PLEKHM1: variants seen among roughly 807,000 people sequenced by gnomAD.
PLEKHM1 encodes pleckstrin homology and RUN domain containing M1, also known as pleckstrin homology domain-containing family M member 1.
A neutral mutation model predicts 94.3 loss-of-function variants in PLEKHM1; 28 were observed. That is an observed-to-expected ratio of 0.30 (90% CI 0.22 to 0.41). PLEKHM1 has a LOEUF of 0.41. Among genes scored for constraint, PLEKHM1 ranks in the 10% least tolerant of loss-of-function variants. PLEKHM1 has a pLI of 1.00. For synonymous variants in PLEKHM1, 424 were observed against 581.2 expected (o/e 0.73, Z 3.89); for missense variants, 907 against 1,358.6 (o/e 0.67, Z 5.22).
At chr17:45,476,454 C>T (rs1405843683) in intron 3 of PLEKHM1, among the ~76,000 whole-genome samples, 2 of 151,976 alleles carry the variant, frequency 1.3e-5, no homozygotes, top group Non-Finnish European at 2.9e-5. Flanking sequence ...GCTCCAATTA[C>T]AGCATGTGGC....
At chr17:45,461,345 A>G (rs1291338587) in intron 5 of PLEKHM1, among the ~76,000 whole-genome samples, 3 of 152,110 alleles carry the variant, frequency 2.0e-5, no homozygotes, top group Non-Finnish European at 2.9e-5. Flanking sequence ...GTGTCTTTTC[A>G]TTTTCCGGAT....
At chr17:45,480,933 A>G (rs2051932906) in intron 2 of PLEKHM1, among the ~76,000 whole-genome samples, 1 of 152,220 alleles carries the variant, frequency 6.6e-6, no homozygotes, top group South Asian at 2.1e-4. Context: ...TCTTGGGTAT[A>G]TATCTAGGAG....
At chr17:45,468,657 G>A (rs1356804901) in intron 4 of PLEKHM1, 64 bp from the exon 5 acceptor site, 1 of 1,540,152 alleles carries the variant, frequency 6.5e-7, no homozygotes, top group East Asian at 2.2e-5. Flanking sequence ...AAGGCAACTG[G>A]GGCAGAGGGA....
intron 5 of PLEKHM1, among the ~76,000 whole-genome samples, chr17:45,464,384 C>T (rs1470139390): frequency 1.3e-5 from 2 of 152,180 alleles, no homozygotes; most frequent in South Asian, 2.1e-4. Context: ...GAATGGGTCT[C>T]TACACTATAA....
intron 4 of PLEKHM1, among the ~76,000 whole-genome samples, chr17:45,473,632 C>T (rs111701889): frequency 2.0e-5 from 3 of 151,720 alleles, no homozygotes; most frequent in Admixed American, 2.0e-4. Context: ...GATCTCGGCT[C>T]ACTGCAAGCT....
At chr17:45,452,699 T>C (rs2050807180) in intron 7 of PLEKHM1, 1 of 159,480 alleles carries the variant, frequency 6.3e-6, no homozygotes, top group African/African-American at 2.4e-5. Context: ...TGGAATAACA[T>C]CCACAGTGTA....
intron 5 of PLEKHM1, among the ~76,000 whole-genome samples, chr17:45,464,298 C>A (rs1203478376): frequency 2.6e-5 from 4 of 152,150 alleles, no homozygotes; most frequent in African/African-American, 9.7e-5. Context: ...ACCCCTAGGA[C>A]CTAACATGGT....
At chr17:45,469,170 A>C (rs969840211) in intron 4 of PLEKHM1, among the ~76,000 whole-genome samples, 24 of 152,270 alleles carry the variant, frequency 1.6e-4, no homozygotes, top group South Asian at 4.1e-4. Flanking sequence ...GAGACAGAGA[A>C]GCTTCACATC....
rs2050749965 is a variant in PLEKHM1 at position 45,450,652 on chromosome 17, C to T, written c.2609G>A (p.Arg870Lys). Residue 870 changes from arginine (R) to lysine (K), a missense_variant, in exon 8 of 12, where the codon AGG (arginine) becomes AAG (lysine). Physicochemically the swap from Arg to Lys is conservative, Grantham distance 26 (BLOSUM62 2). This residue lies in a region of PLEKHM1 where 254 missense variants were observed against 451.1 expected (regional missense o/e 0.56). Transcript: ENST00000430334. ...HQDDASVIPA[R>K]IIHNWDLTKR... The stretch of plus-strand genomic sequence containing the variant: ...GGTGAGGTCCCAGTTGTGGATGATC[C>T]TGGCCGGAATCACTGAGGCATCGTC... 3 of 1,612,702 alleles carry T rather than the reference C, an allele frequency of 1.9e-6. No homozygotes were observed. The highest frequency in any genetic ancestry group is 2.5e-6 in the Non-Finnish European group (3 of 1,179,648).
In PLEKHM1 at chr17:45,439,649, T is replaced by C; in HGVS notation, c.2902-15A>G. The C allele has an allele frequency of 6.2e-7, 1 of 1,613,492 alleles. No individual in the cohort carries two copies. Among genetic ancestry groups the C allele is most frequent in the Non-Finnish European group, 8.5e-7 (1 of 1,179,766 alleles). ...CCGTCTGCGATCTGCGGAGGGCAAG[T>C]AGGAATCCTTCATACACCCCGTCTG... On this transcript the variant is annotated splice_polypyrimidine_tract_variant and intron_variant, in intron 10 of 11. Coordinates refer to ENST00000430334, the MANE Select transcript of PLEKHM1 (RefSeq NM_014798.3).
intron 1 of PLEKHM1, among the ~76,000 whole-genome samples, chr17:45,486,060 C>A (rs1026703461): frequency 1.4e-5 from 2 of 142,746 alleles, no homozygotes; most frequent in Admixed American, 7.0e-5. Context: ...ACTAAAAATA[C>A]AAAAAAATTA....
intron 1 of PLEKHM1, among the ~76,000 whole-genome samples, chr17:45,489,249 C>T (rs1235792955): frequency 6.6e-6 from 1 of 152,234 alleles, no homozygotes; most frequent in Non-Finnish European, 1.5e-5. Context: ...ATACTCTTCA[C>T]AACAGGTAAC....
Position 45,465,320 on chromosome 17 carries a change from C to A in PLEKHM1, c.1308+2889G>T, listed in dbSNP as rs145724872. Among the ~76,000 whole-genome samples, 410 of 151,946 alleles carry A rather than the reference C, an allele frequency of 2.7e-3. 3 individuals carry two copies. The highest frequency in any genetic ancestry group is 9.4e-3 in the African/African-American group (390 of 41,460). On this transcript the variant is annotated intron_variant, in intron 5 of 11. Coordinates refer to ENST00000430334, the MANE Select transcript of PLEKHM1 (RefSeq NM_014798.3). ...CAAGCAGATGAATGGGACAGAGAGTCACTGGGGATGGTGCTTTTGAGCTAC... is the reference window on the plus strand; with the variant it reads ...CAAGCAGATGAATGGGACAGAGAGTAACTGGGGATGGTGCTTTTGAGCTAC...
chr17:45,464,806 G>A (rs942094483), intron 5 of PLEKHM1, among the ~76,000 whole-genome samples: 18 of 152,334 alleles, frequency 1.2e-4, no homozygotes, highest in East Asian at 3.9e-4. Context: ...GGTACACTTC[G>A]ATGACCCACT....
At chr17:45,487,837 C>A in intron 1 of PLEKHM1, 1 of 455,978 alleles carries the variant, frequency 2.2e-6, no homozygotes, top group Non-Finnish European at 4.4e-6. Flanking sequence ...CCACGGCCTT[C>A]TCTCCACTGC....
chr17:45,480,904 G>A (rs1371271065), intron 2 of PLEKHM1, among the ~76,000 whole-genome samples: 5 of 152,108 alleles, frequency 3.3e-5, no homozygotes, highest in Admixed American at 2.0e-4. Flanking sequence ...GTTTTTGAGT[G>A]GACTTATATT....
chr17:45,470,058 C>T (rs2051446641), intron 4 of PLEKHM1, among the ~76,000 whole-genome samples: 1 of 150,878 alleles, frequency 6.6e-6, no homozygotes. Context: ...GGTGAAAGAG[C>T]GAGACTCCAT....
At chr17:45,446,581 A>C (rs1184454036) in intron 8 of PLEKHM1, among the ~76,000 whole-genome samples, 2 of 152,180 alleles carry the variant, frequency 1.3e-5, no homozygotes, top group Non-Finnish European at 2.9e-5. Flanking sequence ...AGTGACTAGA[A>C]GTCTGGCTTT....
Position 45,437,801 on chromosome 17 carries a change from C to G in PLEKHM1, c.*57G>C. 7.3e-7 allele frequency: 1 copy of G among 1,375,592 alleles called. No homozygotes were observed. The highest frequency in any genetic ancestry group is 1.0e-6 in the Non-Finnish European group (1 of 962,874). 85.2% of individuals were successfully genotyped at this position (1,375,592 alleles called of 1,614,324 possible). A position where few individuals can be genotyped will look rare whatever the true frequency, so the allele number is the denominator to read the frequency against. On this transcript the variant is annotated 3_prime_UTR_variant, in exon 12 of 12. Coordinates refer to ENST00000430334, the MANE Select transcript of PLEKHM1 (RefSeq NM_014798.3). This position sits in a 1 kb window ranked among gnomAD's most constrained non-coding sequence, Gnocchi z 4.0. ...ATCCTGGGCTGATGGCAAACCCAGC[C>G]GGGATGGCTGAGCCACACTCACCCC...
Sources: allele counts gnomAD v4.1 joint callset (sites outside exome capture counted in the v4.1 genomes callset), GRCh38; gene constraint gnomAD v4.1.1; regional missense constraint gnomAD v4.1.1; non-coding constraint Gnocchi (gnomAD v3.1); transcripts MANE v1.5; gene names NCBI Gene and HGNC (gene_info 2026-07-23, HGNC 2026-07-21).